Variants in FAM107B observed in about 807,000 individuals in gnomAD.
FAM107B encodes family with sequence similarity 107 member B, also known as protein FAM107B.
Under a neutral mutation model 31.5 loss-of-function variants are expected in FAM107B, and 21 were observed. That is an observed-to-expected ratio of 0.67 (90% CI 0.47 to 0.96). FAM107B has a LOEUF of 0.96. Among genes scored for constraint, FAM107B ranks in the 40% least tolerant of loss-of-function variants. The pLI is 0.00. For missense variants in FAM107B, 452 were observed against 377.1 expected (o/e 1.20, Z -1.64); for synonymous variants, 157 against 141.5 (o/e 1.11, Z -0.78).
Position 14,522,068 on chromosome 10 carries a change from A to C in FAM107B, c.654-49T>G, listed in dbSNP as rs189436902. On this transcript the variant is annotated intron_variant, in intron 3 of 4. Transcript: ENST00000181796. ...TAGAAAACGTTAATCTAATGGCTACATTTTTTATGAACAGAAATTTAACTT... is the reference window on the plus strand; with the variant it reads ...TAGAAAACGTTAATCTAATGGCTACCTTTTTTATGAACAGAAATTTAACTT... 258 of 1,571,086 alleles carry C rather than the reference A, an allele frequency of 1.6e-4. No individual in the cohort carries two copies. The East Asian group carries it at 5.2e-3, about 31-fold the overall frequency.
At chr10:14,624,962 C>T (rs539489436) in intron 2 of FAM107B, among the ~76,000 whole-genome samples, 28 of 152,190 alleles carry the variant, frequency 1.8e-4, no homozygotes, top group Admixed American at 1.1e-3. Flanking sequence ...TGGTGGCTCA[C>T]GCCTGTAATC....
chr10:14,674,681 A>AT lies in FAM107B; in HGVS notation c.412-6991_412-6990insA, dbSNP rs1325745710. On this transcript the variant is annotated intron_variant, in intron 1 of 4. Transcript: ENST00000181796. ...TTAATTAGAAGCCAGGCCACCAGGTAGCAGCTACAGGTATGTTTTGTAAAC... is the reference window on the plus strand; with the variant it reads ...TTAATTAGAAGCCAGGCCACCAGGTATGCAGCTACAGGTATGTTTTGTAAAC... Among the ~76,000 whole-genome samples the AT allele has an allele frequency of 6.6e-5, 10 of 152,308 alleles. No individual in the cohort carries two copies. The East Asian group carries it at 1.9e-3, about 29-fold the overall frequency.
At chr10:14,537,533 T>A (rs1233599101) in intron 2 of FAM107B, among the ~76,000 whole-genome samples, 1 of 152,146 alleles carries the variant, frequency 6.6e-6, no homozygotes, top group South Asian at 2.1e-4. Context: ...AGGGTTGCTA[T>A]GAAGAGTAAA....
Position 14,659,310 on chromosome 10 carries a change from G to A in FAM107B, c.469+8324C>T, listed in dbSNP as rs190440568. ...ACAAAAATTAGCTGGGCATGGTGGCGCGCACCTGTAGTCTCAGCTCCTCCG... is the reference window on the plus strand; with the variant it reads ...ACAAAAATTAGCTGGGCATGGTGGCACGCACCTGTAGTCTCAGCTCCTCCG... On this transcript the variant is annotated intron_variant, in intron 2 of 4. Transcript: ENST00000181796. Among the ~76,000 whole-genome samples, 133 of 152,156 alleles carry A rather than the reference G, an allele frequency of 8.7e-4. 1 individual carries two copies. The highest frequency in any genetic ancestry group is 6.8e-3 in the Middle Eastern group (2 of 294).
chr10:14,719,193 A>T (rs1039056201), intron 1 of FAM107B, among the ~76,000 whole-genome samples: 1 of 152,172 alleles, frequency 6.6e-6, no homozygotes, highest in Non-Finnish European at 1.5e-5. Context: ...TCACTGGACT[A>T]AGCCTGCCCA....
rs1031502781 is a variant in FAM107B, at chr10:14,712,913, T to A, written c.412-45222A>T. ...CCTTGATGGTGACTGAGACTAAAAG[T>A]GTGCCCACTTTTCACTTTAGGGCTT... On this transcript the variant is annotated intron_variant, in intron 1 of 4. Transcript: ENST00000181796. Among the ~76,000 whole-genome samples the A allele has an allele frequency of 2.0e-5, 3 of 152,188 alleles. No homozygotes were observed. In the South Asian group the frequency reaches 6.2e-4, roughly 31 times the overall value.
At chr10:14,548,305 G>C (rs1848904772) in intron 2 of FAM107B, 2 of 476,314 alleles carry the variant, frequency 4.2e-6, no homozygotes, top group East Asian at 1.5e-4. Flanking sequence ...GGACACCCTG[G>C]GGGTCCAGGG....
chr10:14,718,077 AAC>A (rs1855821530), intron 1 of FAM107B, among the ~76,000 whole-genome samples: 1 of 152,146 alleles, frequency 6.6e-6, no homozygotes, highest in Non-Finnish European at 1.5e-5. Context: ...CTGTAATCCT[AAC>A]ACTTTGGGAG....
chr10:14,748,177 C>A (rs1332444560), intron 1 of FAM107B, among the ~76,000 whole-genome samples: 2 of 152,156 alleles, frequency 1.3e-5, no homozygotes, highest in Admixed American at 1.3e-4. Context: ...AGAAGAAAGT[C>A]ATTTCTTCTA....
chr10:14,556,829 T>C (rs1161772566), intron 2 of FAM107B, among the ~76,000 whole-genome samples: 2 of 152,234 alleles, frequency 1.3e-5, no homozygotes, highest in South Asian at 2.1e-4. Context: ...GGCCTCTCAA[T>C]AGCTTCTCCA....
intron 1 of FAM107B, among the ~76,000 whole-genome samples, chr10:14,724,539 T>C (rs938635867): frequency 6.6e-6 from 1 of 152,182 alleles, no homozygotes; most frequent in African/African-American, 2.4e-5. Flanking sequence ...GGTCAAATGG[T>C]CCACCCACTA....
chr10:14,613,103 C>G (rs903913871), intron 2 of FAM107B, among the ~76,000 whole-genome samples: 9 of 152,096 alleles, frequency 5.9e-5, no homozygotes, highest in Non-Finnish European at 7.4e-5. Flanking sequence ...CCGCGAGCAG[C>G]TAGGATGACA....
rs376138070 is a variant in FAM107B at position 14,682,451 on chromosome 10, C to T, written c.412-14760G>A. ...GGCTGAGGCAAGAGGATCACTTGAA[C>T]CCAGGAGGTGCAGGTTGCAGTGAAC... On this transcript the variant is annotated intron_variant, in intron 1 of 4. Transcript: ENST00000181796. Among the ~76,000 whole-genome samples, 446 of 152,314 alleles carry T rather than the reference C, an allele frequency of 2.9e-3. 4 individuals are homozygous for T. Among genetic ancestry groups the T allele is most frequent in the African/African-American group, 9.4e-3 (390 of 41,570 alleles).
chr10:14,727,342 T>C (rs1856059999), intron 1 of FAM107B, among the ~76,000 whole-genome samples: 3 of 152,182 alleles, frequency 2.0e-5, no homozygotes, highest in African/African-American at 7.2e-5. Flanking sequence ...ATTTTAGAAA[T>C]ACACCATCAT....
intron 2 of FAM107B, among the ~76,000 whole-genome samples, chr10:14,625,316 A>G (rs1201859165): frequency 6.6e-6 from 1 of 151,074 alleles, no homozygotes; most frequent in East Asian, 1.9e-4. Flanking sequence ...GGAATTTTTC[A>G]ACCTGCCATG....
At chr10:14,760,346 G>A (rs11259315) in intron 1 of FAM107B, among the ~76,000 whole-genome samples, 11,236 of 152,198 alleles carry the variant, frequency 0.074, 497 homozygotes, top group South Asian at 0.11. Context: ...GAGGATAATC[G>A]CTTTTATGAC....
Position 14,774,761 on chromosome 10 carries a change from C to T in FAM107B, c.-98G>A. On this transcript the variant is annotated 5_prime_UTR_variant, in exon 1 of 5. Transcript: ENST00000181796. ...TGCTTATAGGAACTCTTTCCAATTGCCCGAAGAGAAGAACTTGCTAGTGGT... is the reference window on the plus strand; with the variant it reads ...TGCTTATAGGAACTCTTTCCAATTGTCCGAAGAGAAGAACTTGCTAGTGGT... 1 of 1,338,956 alleles carries T rather than the reference C, an allele frequency of 7.5e-7. No homozygotes were observed. The highest frequency in any genetic ancestry group is 1.4e-5 in the South Asian group (1 of 69,066). The allele number at this position is 1,338,956 out of a possible 1,614,324, so 82.9% of individuals were successfully genotyped here.
chr10:14,690,082 TATCCA>T (rs1855095265), intron 1 of FAM107B, among the ~76,000 whole-genome samples: 1 of 151,570 alleles, frequency 6.6e-6, no homozygotes. Flanking sequence ...CCAGCACATG[TATCCA>T]ATATCCTCCA....
intron 2 of FAM107B, among the ~76,000 whole-genome samples, chr10:14,564,682 C>T (rs572797035): frequency 6.6e-6 from 1 of 152,242 alleles, no homozygotes; most frequent in Non-Finnish European, 1.5e-5. Flanking sequence ...GGGCAAATGG[C>T]ACCAGTTTCC....
Sources: gnomAD v4.1 joint callset for allele counts (sites outside exome capture counted in the v4.1 genomes callset) on GRCh38, gnomAD v4.1.1 for gene constraint, MANE v1.5 for transcripts, NCBI Gene and HGNC (gene_info 2026-07-23, HGNC 2026-07-21) for gene names.